SLC25A26: variants seen among roughly 807,000 people sequenced by gnomAD.
SLC25A26 encodes the protein mitochondrial S-adenosylmethionine carrier protein.
A neutral mutation model predicts 37.8 loss-of-function variants in SLC25A26; 36 were observed. The ratio of observed to expected loss-of-function variants is 0.95; its 90% CI spans 0.73 to 1.26. The LOEUF (loss-of-function observed/expected upper bound fraction) is 1.26. SLC25A26 is among the 50% of genes most tolerant of loss of function. The pLI is 0.00. For missense variants in SLC25A26, 390 were observed against 331.1 expected (o/e 1.18, Z -1.38); for synonymous variants, 129 against 122.5 (o/e 1.05, Z -0.35).
chr3:66,330,089 A>G (rs1286579925), intron 5 of SLC25A26, among the ~76,000 whole-genome samples: 1 of 151,712 alleles, frequency 6.6e-6, no homozygotes, highest in Non-Finnish European at 1.5e-5. Flanking sequence ...TTTTCAGTAC[A>G]CTCTTGACAT....
At chr3:66,150,502 C>CAA (rs1164916576) in intron 1 of SLC25A26, among the ~76,000 whole-genome samples, 1 of 53,606 alleles carries the variant, frequency 1.9e-5, no homozygotes, top group African/African-American at 8.5e-5. Flanking sequence ...TATCTCAAGA[C>CAA]AAAAAAATAT....
intron 6 of SLC25A26, among the ~76,000 whole-genome samples, chr3:66,349,800 G>T (rs897947456): frequency 6.6e-6 from 1 of 152,138 alleles, no homozygotes; most frequent in Non-Finnish European, 1.5e-5. Context: ...CAAAGTGGCT[G>T]TACCAGTTTG....
chr3:66,209,697 A>G (rs1287342098), intron 1 of SLC25A26, among the ~76,000 whole-genome samples: 1 of 138,992 alleles, frequency 7.2e-6, no homozygotes, highest in Non-Finnish European at 1.5e-5. Context: ...ATAGGTATAT[A>G]TAAATATATA....
chr3:66,149,885 C>T (rs894747858), intron 1 of SLC25A26, among the ~76,000 whole-genome samples: 6 of 152,126 alleles, frequency 3.9e-5, no homozygotes. Flanking sequence ...CCTTGTTTTC[C>T]TGTTGAGGAA....
rs756882441 is a variant in SLC25A26 at position 66,377,779 on chromosome 3, TGTTGGAA to T, written c.803_809del (p.Glu268AlafsTer39). The T allele has an allele frequency of 1.3e-4, 204 of 1,613,936 alleles. No individual in the cohort carries two copies. Among genetic ancestry groups the T allele is most frequent in the South Asian group, 1.9e-4 (17 of 91,072 alleles). ...GCTTATGACCGAACGCACAGCTTGC[TGTTGGAA>T]GTTGGCAGAAAGAGTCCTTGAAGCA... is the stretch of plus-strand genomic sequence containing the variant. On this transcript the variant is annotated frameshift_variant, in exon 10 of 10. Coordinates refer to ENST00000354883, the MANE Select transcript of SLC25A26 (RefSeq NM_001379210.1). LOFTEE classifies it high-confidence loss of function.
At chr3:66,203,160 C>A (rs2071131680) in intron 1 of SLC25A26, among the ~76,000 whole-genome samples, 1 of 152,150 alleles carries the variant, frequency 6.6e-6, no homozygotes, top group South Asian at 2.1e-4. Flanking sequence ...GCGGGAGGAT[C>A]TCTTGAGCCC....
intron 5 of SLC25A26, among the ~76,000 whole-genome samples, chr3:66,288,581 G>C (rs1225648872): frequency 1.3e-5 from 2 of 152,052 alleles, no homozygotes; most frequent in African/African-American, 4.8e-5. Flanking sequence ...GCAGTGTTTG[G>C]TTTTCTGTTC....
chr3:66,193,344 G>A (rs902428274), intron 1 of SLC25A26, among the ~76,000 whole-genome samples: 2 of 152,094 alleles, frequency 1.3e-5, no homozygotes, highest in Non-Finnish European at 2.9e-5. Flanking sequence ...GTCAACAGAG[G>A]TTCCTTTTTT....
intron 5 of SLC25A26, among the ~76,000 whole-genome samples, chr3:66,300,655 A>G (rs1268733523): frequency 6.6e-6 from 1 of 152,128 alleles, no homozygotes; most frequent in Admixed American, 6.6e-5. Context: ...TTTGCATAGC[A>G]TTTTGAGAGA....
chr3:66,329,736 T>G (rs2107674888), intron 5 of SLC25A26, among the ~76,000 whole-genome samples: 1 of 152,318 alleles, frequency 6.6e-6, no homozygotes, highest in South Asian at 2.1e-4. Context: ...CAATTTTACT[T>G]ATTTGTTTAT....
chr3:66,315,372 A>G (rs1057409080), intron 5 of SLC25A26, among the ~76,000 whole-genome samples: 2 of 152,152 alleles, frequency 1.3e-5, no homozygotes, highest in East Asian at 3.9e-4. Flanking sequence ...CCTTAATTTC[A>G]TCATTTAGCC....
intron 1 of SLC25A26, among the ~76,000 whole-genome samples, chr3:66,199,172 C>G (rs1197245200): frequency 6.6e-6 from 1 of 152,006 alleles, no homozygotes; most frequent in African/African-American, 2.4e-5. Context: ...CTCTGACCAT[C>G]ACCCTGACTT....
At chr3:66,350,199 C>A (rs1468264567) in intron 6 of SLC25A26, among the ~76,000 whole-genome samples, 1 of 152,176 alleles carries the variant, frequency 6.6e-6, no homozygotes, top group East Asian at 1.9e-4. Flanking sequence ...TTAGCCAAGA[C>A]TAGCAGATTG....
chr3:66,218,242 T>C (rs1033463880), upstream of SLC25A26, among the ~76,000 whole-genome samples: 358 of 152,342 alleles, frequency 2.3e-3, 2 homozygotes, highest in African/African-American at 8.1e-3. Context: ...CACCAGTTGA[T>C]AGACATTCAG....
At chr3:66,291,795 T>C (rs1046043865) in intron 5 of SLC25A26, among the ~76,000 whole-genome samples, 2 of 152,152 alleles carry the variant, frequency 1.3e-5, no homozygotes, top group Non-Finnish European at 2.9e-5. Flanking sequence ...GGGTGGAGAG[T>C]TCTGTAGATG....
chr3:66,353,001 C>T (rs1238651687), intron 6 of SLC25A26, among the ~76,000 whole-genome samples: 1 of 152,182 alleles, frequency 6.6e-6, no homozygotes, highest in Non-Finnish European at 1.5e-5. Flanking sequence ...TTTACGACAT[C>T]AGTGGTGTGA....
At chr3:66,361,470 G>A (rs375341823) in intron 6 of SLC25A26, among the ~76,000 whole-genome samples, 129 of 152,276 alleles carry the variant, frequency 8.5e-4, no homozygotes, top group African/African-American at 3.1e-3. Context: ...TTAAAAGAAT[G>A]AAAAGGCAAG....
chr3:66,219,821 T>A (rs2071420673), upstream of SLC25A26, among the ~76,000 whole-genome samples: 2 of 152,172 alleles, frequency 1.3e-5, no homozygotes, highest in Admixed American at 1.3e-4. Context: ...GAGTGCATTA[T>A]CTCATTTAAT....
intron 1 of SLC25A26, among the ~76,000 whole-genome samples, chr3:66,171,509 G>A (rs1262470350): frequency 2.0e-5 from 3 of 149,254 alleles, no homozygotes; most frequent in Admixed American, 6.6e-5. Flanking sequence ...CTTTTTTTTT[G>A]AGCAGAGTCT....
Sources: allele counts gnomAD v4.1 joint callset (sites outside exome capture counted in the v4.1 genomes callset), GRCh38; gene constraint gnomAD v4.1.1; transcripts MANE v1.5; gene names NCBI Gene and HGNC (gene_info 2026-07-23, HGNC 2026-07-21).